The following TJP2 variants were observed in gnomAD, a reference collection of about 807,000 sequenced individuals.
TJP2 encodes Friedreich ataxia region gene X104 (tight junction protein ZO-2).
TJP2 carries 91 observed loss-of-function variants against 133.1 expected under a neutral mutation model. The ratio of observed to expected loss-of-function variants is 0.68; its 90% CI spans 0.58 to 0.81. The LOEUF is 0.81. Ranked by LOEUF, TJP2 falls within the 40% of genes least tolerant of loss-of-function variation. TJP2 has a pLI of 0.00. For missense variants in TJP2, 1,541 were observed against 1,565.6 expected (o/e 0.98, Z 0.26); for synonymous variants, 592 against 583.4 (o/e 1.01, Z -0.21).
chr9:69,135,974 C>T (rs530592671), intron 1 of TJP2, among the ~76,000 whole-genome samples: 7 of 152,192 alleles, frequency 4.6e-5, no homozygotes, highest in Admixed American at 2.0e-4. Context: ...TATTATTGGA[C>T]GTCAGTCAAG....
intron 20 of TJP2, among the ~76,000 whole-genome samples, chr9:69,250,770 C>T (rs1017110350): frequency 2.6e-5 from 4 of 152,196 alleles, no homozygotes; most frequent in Admixed American, 6.5e-5. Flanking sequence ...TCTGATCTTA[C>T]CTCCAGCAAT....
At chr9:69,129,507 C>T (rs1470425301) in intron 1 of TJP2, among the ~76,000 whole-genome samples, 1 of 150,334 alleles carries the variant, frequency 6.7e-6, no homozygotes, top group Non-Finnish European at 1.5e-5. Context: ...AAGAACCTGT[C>T]GCAAAAAACA....
At chr9:69,162,385 TATC>T (rs1304832022) in intron 2 of TJP2, among the ~76,000 whole-genome samples, 1 of 152,126 alleles carries the variant, frequency 6.6e-6, no homozygotes, top group Non-Finnish European at 1.5e-5. Flanking sequence ...TACAGGTTAT[TATC>T]TTACATGTCT....
At chr9:69,178,733 T>C (rs2132969766) in intron 1 of TJP2, among the ~76,000 whole-genome samples, 1 of 152,352 alleles carries the variant, frequency 6.6e-6, no homozygotes, top group African/African-American at 2.4e-5. Context: ...CTCATTCCTT[T>C]CTCTGCTTCC....
At chr9:69,230,305 G>A in intron 11 of TJP2, 73 bp downstream of exon 11, 1 of 1,595,462 alleles carries the variant, frequency 6.3e-7, no homozygotes, top group East Asian at 2.2e-5. Flanking sequence ...CTTTCTGTAA[G>A]GGAAGACAAA....
At chr9:69,172,245 G>A (rs1378448366), upstream of TJP2, among the ~76,000 whole-genome samples, 2 of 152,218 alleles carry the variant, frequency 1.3e-5, no homozygotes, top group African/African-American at 2.4e-5. Context: ...CAACTGAACC[G>A]TGTTTCTAAC....
intron 1 of TJP2, among the ~76,000 whole-genome samples, chr9:69,148,578 C>T (rs924336219): frequency 1.3e-5 from 2 of 151,824 alleles, no homozygotes; most frequent in African/African-American, 4.8e-5. Context: ...CCATGTTGGC[C>T]GGGCTAGTCT....
rs1412902003 is a variant in TJP2 at position 69,218,294 on chromosome 9, A to G, written c.277A>G (p.Met93Val). The G allele has an allele frequency of 2.5e-6, 4 of 1,614,086 alleles. No homozygotes were observed. In the African/African-American group the frequency reaches 5.3e-5, roughly 22 times the overall value. Residue 93 changes from methionine to valine, a missense_variant, in exon 4 of 23, where the codon ATG becomes GTG. Transcript: ENST00000377245. ...AGTGGTCATGGTCAATGGCACCCCC[A>G]TGGAGGATGTGCTTCATTCGTTTGC... ...DRVVMVNGTP[M>V]EDVLHSFAVQ... is the part of the protein sequence containing the mutation.
intron 3 of TJP2, among the ~76,000 whole-genome samples, chr9:69,216,919 C>G (rs931060351): frequency 7.2e-5 from 11 of 152,170 alleles, no homozygotes; most frequent in African/African-American, 2.6e-4. Flanking sequence ...CACAAGTTTT[C>G]CAACTGCCAG....
chr9:69,203,134 AC>A (rs1291803007), intron 1 of TJP2, among the ~76,000 whole-genome samples: 2 of 151,464 alleles, frequency 1.3e-5, no homozygotes, highest in African/African-American at 4.9e-5. Flanking sequence ...GCTGGCCTGA[AC>A]CCTCCCCGAG....
chr9:69,212,705 C>G lies in TJP2; in HGVS notation c.114+104C>G. The G allele has an allele frequency of 5.8e-6, 5 of 857,966 alleles. No homozygotes were observed. The South Asian group carries it at 6.8e-5, about 12-fold the overall frequency. 53.1% of individuals were successfully genotyped at this position (857,966 alleles called of 1,614,324 possible). A position where few individuals can be genotyped will look rare whatever the true frequency, so the allele number is the denominator to read the frequency against. On this transcript the variant is annotated intron_variant, in intron 2 of 22. Coordinates refer to ENST00000377245, the MANE Select transcript of TJP2 (RefSeq NM_004817.4). ...CACACAGTTTTGGCTTTTTTTTTCC[C>G]TTGAGGTACATAATGTATTATAGAT...
intron 15 of TJP2, 149 bp from the exon 16 acceptor site, chr9:69,238,561 A>G (rs1830359197): frequency 4.2e-6 from 3 of 709,360 alleles, no homozygotes; most frequent in African/African-American, 1.8e-5. Flanking sequence ...TTAGATTTCC[A>G]CTAAGCAGGT....
chr9:69,132,385 T>C (rs539142100), intron 1 of TJP2, among the ~76,000 whole-genome samples: 2 of 152,288 alleles, frequency 1.3e-5, no homozygotes, highest in East Asian at 3.9e-4. Flanking sequence ...TGTTACCTTT[T>C]GGATGGGGAT....
intron 1 of TJP2, among the ~76,000 whole-genome samples, chr9:69,202,917 A>C (rs1428175172): frequency 6.6e-6 from 1 of 152,216 alleles, no homozygotes; most frequent in East Asian, 1.9e-4. Flanking sequence ...TTTAGGTTAT[A>C]TATTCTTCAG....
intron 1 of TJP2, among the ~76,000 whole-genome samples, chr9:69,194,997 T>G (rs377109394): frequency 6.6e-6 from 1 of 152,218 alleles, no homozygotes. Context: ...GTCCCTCTTT[T>G]CTGTGGGAAC....
At chr9:69,171,391 C>A (rs1156562494), upstream of TJP2, among the ~76,000 whole-genome samples, 3 of 152,120 alleles carry the variant, frequency 2.0e-5, no homozygotes, top group African/African-American at 7.2e-5. Context: ...TCCTCCCCCA[C>A]CAACCCCTGT....
chr9:69,155,191 C>A (rs1218350044), intron 2 of TJP2, among the ~76,000 whole-genome samples: 2 of 139,978 alleles, frequency 1.4e-5, no homozygotes, highest in Non-Finnish European at 3.0e-5. Flanking sequence ...TTCACTCCAG[C>A]CTGGGTGAAA....
At chr9:69,176,828 G>T (rs1825126953) in intron 1 of TJP2, among the ~76,000 whole-genome samples, 1 of 152,186 alleles carries the variant, frequency 6.6e-6, no homozygotes, top group African/African-American at 2.4e-5. Flanking sequence ...CCTTAAGAAG[G>T]TTATCTTTTT....
intron 1 of TJP2, among the ~76,000 whole-genome samples, chr9:69,193,288 C>A (rs1448680440): frequency 6.6e-6 from 1 of 151,978 alleles, no homozygotes; most frequent in African/African-American, 2.4e-5. Flanking sequence ...TCGTAGGGAA[C>A]CGGCAGTCTC....
Sources: gnomAD v4.1 joint callset for allele counts (sites outside exome capture counted in the v4.1 genomes callset) on GRCh38, gnomAD v4.1.1 for gene constraint, MANE v1.5 for transcripts, NCBI Gene and HGNC (gene_info 2026-07-23, HGNC 2026-07-21) for gene names.